MARCHF1: variants seen among roughly 807,000 people sequenced by gnomAD.
MARCHF1 encodes membrane associated ring-CH-type finger 1.
Under a neutral mutation model 54.2 loss-of-function variants are expected in MARCHF1, and 40 were observed. That is an observed-to-expected ratio of 0.74 (90% CI 0.57 to 0.96). The LOEUF is 0.96. Among genes scored for constraint, MARCHF1 ranks in the 40% least tolerant of loss-of-function variants. MARCHF1 has a pLI of 0.00. For synonymous variants in MARCHF1, 236 were observed against 236.3 expected (o/e 1.00, Z 0.01); for missense variants, 586 against 656.5 (o/e 0.89, Z 1.17).
intron 2 of MARCHF1, among the ~76,000 whole-genome samples, chr4:164,007,649 T>G (rs1753325939): frequency 3.3e-5 from 1 of 30,438 alleles, no homozygotes; most frequent in Non-Finnish European, 6.2e-5. Context: ...TCTCTCTCTG[T>G]GTGTGTGTGT....
intron 1 of MARCHF1, among the ~76,000 whole-genome samples, chr4:164,136,195 G>C (rs1209637383): frequency 7.1e-6 from 1 of 140,922 alleles, no homozygotes; most frequent in African/African-American, 2.6e-5. Flanking sequence ...CACCGATTTG[G>C]ACAAAAACCC....
intron 9 of MARCHF1, among the ~76,000 whole-genome samples, chr4:163,531,682 T>C (rs549692097): frequency 6.6e-6 from 1 of 151,800 alleles, no homozygotes; most frequent in Non-Finnish European, 1.5e-5. Context: ...ATGTATAAAA[T>C]CTCAAAGAAC....
intron 2 of MARCHF1, among the ~76,000 whole-genome samples, chr4:163,995,529 G>T (rs1361903578): frequency 2.0e-5 from 3 of 151,970 alleles, no homozygotes; most frequent in Non-Finnish European, 4.4e-5. Context: ...CCTTCATCCT[G>T]AAGCTACACA....
At chr4:164,313,732 T>C (rs372429450) in intron 1 of MARCHF1, among the ~76,000 whole-genome samples, 6 of 152,190 alleles carry the variant, frequency 3.9e-5, no homozygotes, top group African/African-American at 1.4e-4. Context: ...CCCCTCTCCC[T>C]AGATTTCCTA....
chr4:164,062,733 A>G (rs1754646287), intron 2 of MARCHF1, among the ~76,000 whole-genome samples: 1 of 152,156 alleles, frequency 6.6e-6, no homozygotes, highest in South Asian at 2.1e-4. Context: ...CACGTTAGCC[A>G]GGCTAGTCTC....
At chr4:163,872,953 A>T (rs955536611) in intron 3 of MARCHF1, among the ~76,000 whole-genome samples, 4 of 152,116 alleles carry the variant, frequency 2.6e-5, no homozygotes, top group Non-Finnish European at 5.9e-5. Context: ...CTGAGGCAGG[A>T]GAATGGCGTG....
chr4:163,960,772 A>G (rs1228959400), intron 3 of MARCHF1, among the ~76,000 whole-genome samples: 1 of 151,654 alleles, frequency 6.6e-6, no homozygotes, highest in East Asian at 1.9e-4. Flanking sequence ...GTTTACCTAT[A>G]TAACAAACCT....
At chr4:163,898,682 T>A (rs981750731) in intron 3 of MARCHF1, among the ~76,000 whole-genome samples, 3 of 152,134 alleles carry the variant, frequency 2.0e-5, no homozygotes, top group African/African-American at 4.8e-5. Flanking sequence ...ATCTCACTAC[T>A]GAGTATCTAC....
At chr4:163,992,966 G>C (rs182221211) in intron 2 of MARCHF1, among the ~76,000 whole-genome samples, 1 of 152,052 alleles carries the variant, frequency 6.6e-6, no homozygotes, top group African/African-American at 2.4e-5. Context: ...TTTTCAAAGT[G>C]TCATTGCAAA....
In MARCHF1 at chr4:164,061,718, C is replaced by CA. The variant is rs1039193625; in HGVS notation, c.-248+49869dup. On this transcript the variant is annotated intron_variant, in intron 2 of 9. Coordinates refer to ENST00000514618, the MANE Select transcript of MARCHF1 (RefSeq NM_001394959.1). ...AAAAATTAAAAAAAACAACATAAACCAAAAAAAAGAGTGCAATAGAATTTT... is the reference window on the plus strand; with the variant it reads ...AAAAATTAAAAAAAACAACATAAACCAAAAAAAAAGAGTGCAATAGAATTTT... Among the ~76,000 whole-genome samples the CA allele has an allele frequency of 3.0e-4, 45 of 150,628 alleles. No individual in the cohort carries two copies. In the East Asian group the frequency reaches 6.6e-3, roughly 22 times the overall value.
intron 5 of MARCHF1, among the ~76,000 whole-genome samples, chr4:163,667,964 G>A (rs559698487): frequency 1.3e-5 from 2 of 152,206 alleles, no homozygotes; most frequent in African/African-American, 4.8e-5. Context: ...GATTTTTACG[G>A]TCCTGCTTTT....
chr4:163,781,527 T>C (rs916408707), intron 4 of MARCHF1, among the ~76,000 whole-genome samples: 3 of 152,204 alleles, frequency 2.0e-5, no homozygotes, highest in Non-Finnish European at 2.9e-5. Context: ...AATAATTAAT[T>C]TGGAATTATT....
chr4:163,629,815 A>G (rs1487579479), intron 5 of MARCHF1, among the ~76,000 whole-genome samples: 1 of 152,224 alleles, frequency 6.6e-6, no homozygotes, highest in East Asian at 1.9e-4. Context: ...CATGCATCCC[A>G]GAACTTAAAA....
intron 3 of MARCHF1, among the ~76,000 whole-genome samples, chr4:163,917,603 A>T (rs1751337971): frequency 6.6e-6 from 1 of 152,102 alleles, no homozygotes; most frequent in Non-Finnish European, 1.5e-5. Flanking sequence ...TCCTGATACT[A>T]AATTTAATTT....
intron 5 of MARCHF1, among the ~76,000 whole-genome samples, chr4:163,627,759 G>A (rs1741922824): frequency 6.6e-6 from 1 of 151,646 alleles, no homozygotes; most frequent in African/African-American, 2.4e-5. Context: ...GGAGAATAGA[G>A]TGTCTAGAAA....
chr4:163,999,733 T>C (rs1237220183), intron 2 of MARCHF1, among the ~76,000 whole-genome samples: 3 of 151,486 alleles, frequency 2.0e-5, no homozygotes, highest in African/African-American at 7.3e-5. Context: ...CCAAATAATG[T>C]AGTAAGCATT....
In MARCHF1 at chr4:164,070,709, T is replaced by A. The variant is rs909987797; in HGVS notation, c.-248+40879A>T. On this transcript the variant is annotated intron_variant, in intron 2 of 9. Transcript: ENST00000514618. ...AGTGAATTCTCTTGCTACATATTAA[T>A]AAACAATTAAATGTCTGCAAGGCAG... 2.0e-5 allele frequency among the ~76,000 whole-genome samples: 3 copies of A among 152,222 alleles called. No homozygotes were observed. In the South Asian group the frequency reaches 6.2e-4, roughly 31 times the overall value.
intron 2 of MARCHF1, among the ~76,000 whole-genome samples, chr4:164,089,850 TTTTGAAGGA>T (rs889862681): frequency 2.6e-5 from 4 of 152,148 alleles, no homozygotes; most frequent in African/African-American, 9.6e-5. Context: ...GCTTGCTGTA[TTTTGAAGGA>T]TGTCTCTTTC....
At chr4:163,848,298 T>C (rs1022012593) in intron 4 of MARCHF1, among the ~76,000 whole-genome samples, 3 of 152,186 alleles carry the variant, frequency 2.0e-5, no homozygotes, top group African/African-American at 7.2e-5. Context: ...GATGAACATA[T>C]GTTTGAAAGT....
Sources: allele counts gnomAD v4.1 joint callset (sites outside exome capture counted in the v4.1 genomes callset), GRCh38; gene constraint gnomAD v4.1.1; transcripts MANE v1.5; gene names NCBI Gene and HGNC (gene_info 2026-07-23, HGNC 2026-07-21).